Variants in PIK3C2A observed in about 807,000 individuals in gnomAD.
PIK3C2A encodes phosphatidylinositol 4-phosphate 3-kinase C2 domain-containing subunit alpha.
In PIK3C2A, 97 loss-of-function variants were observed where a neutral mutation model predicts 204.5. That is an observed-to-expected ratio of 0.47 (90% confidence interval 0.40 to 0.56). The LOEUF is 0.56. PIK3C2A is among the 20% of genes least tolerant of loss of function. The pLI is 0.00. For synonymous variants in PIK3C2A, 653 were observed against 664.4 expected, an observed-to-expected ratio of 0.98 and a Z score of 0.26; for missense variants, 1,735 against 1,969.2, an observed-to-expected ratio of 0.88 and a Z score of 2.25.
At position 17,149,310 on chromosome 11, in the gene PIK3C2A, T is replaced by C. The variant is rs190880340; in HGVS notation, c.1328-523A>G. ...AAATCACATGTACCCCATAAATATA[T>C]ATATACCTACTATGTACCCATACAA... is the stretch of plus-strand genomic sequence containing the variant. On this transcript the variant is annotated intron_variant, in intron 4 of 32. Coordinates refer to ENST00000691414, the MANE Select transcript of PIK3C2A (RefSeq NM_002645.4). 1.9e-4 allele frequency among the ~76,000 whole-genome samples: 29 copies of C among 152,176 alleles called. No homozygotes were observed. The East Asian group carries it at 3.5e-3, about 18-fold the overall frequency.
Position 17,092,149 on chromosome 11 carries a change from G to T in PIK3C2A, c.4569+10C>A. The T allele has an allele frequency of 6.6e-7, 1 of 1,509,848 alleles. No individual in the cohort carries two copies. The highest frequency in any genetic ancestry group is 9.2e-7 in the Non-Finnish European group (1 of 1,085,362). 93.5% of individuals were successfully genotyped at this position (1,509,848 alleles called of 1,614,324 possible). A position where few individuals can be genotyped will look rare whatever the true frequency, so the allele number is the denominator to read the frequency against. On this transcript the variant is annotated intron_variant, in intron 29 of 32. Transcript: ENST00000691414. ...ATAAGATGTTATTACTTCTCATTTA[G>T]TAAGGTTACCTCTGCTACATCCGTT...
chr11:17,176,043 G>A (rs1374953374), intron 1 of PIK3C2A, among the ~76,000 whole-genome samples: 4 of 148,944 alleles, frequency 2.7e-5, no homozygotes, highest in Non-Finnish European at 5.9e-5. Context: ...TCACTCTGTC[G>A]CCCAGGCTAG....
chr11:17,093,428 A>C (rs1360744534), intron 28 of PIK3C2A, among the ~76,000 whole-genome samples: 1 of 151,998 alleles, frequency 6.6e-6, no homozygotes, highest in Non-Finnish European at 1.5e-5. Flanking sequence ...CACCATGCCC[A>C]GCTAATTTTT....
chr11:17,095,188 CAGTGAGCCA>C (rs548421942), intron 27 of PIK3C2A, among the ~76,000 whole-genome samples: 310 of 152,156 alleles, frequency 2.0e-3, no homozygotes, highest in Middle Eastern at 3.4e-3. Flanking sequence ...GTCAAGGCTA[CAGTGAGCCA>C]AGTGAGCCAA....
chr11:17,138,953 GC>G (rs1001070995), intron 8 of PIK3C2A, among the ~76,000 whole-genome samples: 1 of 151,974 alleles, frequency 6.6e-6, no homozygotes, highest in African/African-American at 2.4e-5. Context: ...TGTCCCCCAG[GC>G]TGGAGTGCGA....
intron 11 of PIK3C2A, among the ~76,000 whole-genome samples, chr11:17,133,160 CACTT>C (rs1849754472): frequency 6.6e-6 from 1 of 152,012 alleles, no homozygotes. Flanking sequence ...GCATTTTATT[CACTT>C]ACTTTCTATT....
Position 17,129,454 on chromosome 11 carries a change from T to C in PIK3C2A, c.2245A>G (p.Ile749Val), listed in dbSNP as rs751322653. The C allele has an allele frequency of 2.9e-5, 46 of 1,602,058 alleles. No individual in the cohort carries two copies. The highest frequency in any genetic ancestry group is 3.8e-5 in the Non-Finnish European group (44 of 1,170,716). The change falls in exon 13 of 33, where the codon ATC becomes GTC. Residue 749 changes from isoleucine to valine, a missense_variant. Physicochemically the swap from Ile to Val is conservative, Grantham distance 29. This residue lies in a region of PIK3C2A where 567 missense variants were observed against 576.0 expected (regional missense o/e 0.98). Coordinates refer to ENST00000691414, the MANE Select transcript of PIK3C2A (RefSeq NM_002645.4). ...TCTAATGGCAATTGTGATATCTGGA[T>C]AGGAAAAATGATTCTATGGGGGGAA... is the stretch of plus-strand genomic sequence containing the variant. ...IKWDELIIFP[I>V]QISQLPLESV...
At chr11:17,183,938 T>TAA (rs773179143) in intron 1 of PIK3C2A, among the ~76,000 whole-genome samples, 66 of 131,486 alleles carry the variant, frequency 5.0e-4, no homozygotes, top group African/African-American at 1.3e-3. Context: ...GAACCCTCTT[T>TAA]AAAAAAAAAA....
chr11:17,095,491 T>A (rs1848427693), intron 27 of PIK3C2A, among the ~76,000 whole-genome samples: 1 of 148,676 alleles, frequency 6.7e-6, no homozygotes, highest in Non-Finnish European at 1.5e-5. Context: ...CTTGGGAGGC[T>A]GAGGCAGGAG....
At chr11:17,137,876 A>G (rs1849927013) in intron 8 of PIK3C2A, 2 of 352,994 alleles carry the variant, frequency 5.7e-6, no homozygotes, top group Admixed American at 3.6e-5. Flanking sequence ...AGGACCCTCC[A>G]AGGCCAAGAG....
intron 2 of PIK3C2A, among the ~76,000 whole-genome samples, chr11:17,155,845 G>C (rs1341320444): frequency 3.3e-5 from 5 of 152,104 alleles, no homozygotes; most frequent in African/African-American, 7.2e-5. Flanking sequence ...TTGCTCAATA[G>C]TAGAAACAGG....
chr11:17,161,762 G>A (rs1850783082), intron 2 of PIK3C2A, among the ~76,000 whole-genome samples: 1 of 152,140 alleles, frequency 6.6e-6, no homozygotes, highest in African/African-American at 2.4e-5. Context: ...TACAGGAAAT[G>A]AACACTTAAG....
At chr11:17,166,640 T>C (rs1438858953) in intron 2 of PIK3C2A, among the ~76,000 whole-genome samples, 2 of 152,250 alleles carry the variant, frequency 1.3e-5, no homozygotes, top group South Asian at 4.1e-4. Flanking sequence ...AGTGCAAGGC[T>C]TGAGCCTAAG....
chr11:17,154,608 C>A (rs1417316772), intron 3 of PIK3C2A, among the ~76,000 whole-genome samples: 1 of 152,146 alleles, frequency 6.6e-6, no homozygotes, highest in African/African-American at 2.4e-5. Flanking sequence ...ACTGTTGTTC[C>A]ACTCTTTCCT....
At chr11:17,185,839 T>C (rs183166669) in intron 1 of PIK3C2A, among the ~76,000 whole-genome samples, 13 of 152,272 alleles carry the variant, frequency 8.5e-5, no homozygotes, top group Admixed American at 3.9e-4. Flanking sequence ...CCCCAAACTG[T>C]TTCCCTGCTA....
chr11:17,159,931 T>G (rs2137460568), intron 2 of PIK3C2A, among the ~76,000 whole-genome samples: 1 of 152,236 alleles, frequency 6.6e-6, no homozygotes, highest in South Asian at 2.1e-4. Context: ...CCCCCTTACT[T>G]TTGGGAGGGT....
At chr11:17,202,355 G>A (rs1037232555) in intron 1 of PIK3C2A, among the ~76,000 whole-genome samples, 4 of 151,618 alleles carry the variant, frequency 2.6e-5, no homozygotes, top group Non-Finnish European at 5.9e-5. Flanking sequence ...AGGAGGCCAA[G>A]GTGGGCCCAG....
chr11:17,189,280 A>AAATAAGT (rs1231583367), intron 1 of PIK3C2A, among the ~76,000 whole-genome samples: 1 of 147,006 alleles, frequency 6.8e-6, no homozygotes, highest in Non-Finnish European at 1.5e-5. Flanking sequence ...ATTAAGTAAA[A>AAATAAGT]AATAAGTAAA....
chr11:17,134,731 G>A, intron 11 of PIK3C2A, 88 bp downstream of exon 11: 1 of 953,788 alleles, frequency 1.0e-6, no homozygotes, highest in East Asian at 2.4e-5. Context: ...CAACTCCTGG[G>A]GTCAAGCAAT....
Sources: allele counts gnomAD v4.1 joint callset (sites outside exome capture counted in the v4.1 genomes callset), GRCh38; gene constraint gnomAD v4.1.1; regional missense constraint gnomAD v4.1.1; transcripts MANE v1.5; gene names NCBI Gene and HGNC (gene_info 2026-07-23, HGNC 2026-07-21).